Variants in SF3B3 observed in about 807,000 individuals in gnomAD.
The protein encoded by SF3B3 is splicing factor 3b subunit 3, also known as SAP 130.
A neutral mutation model predicts 139.2 loss-of-function variants in SF3B3; 33 were observed. The ratio of observed to expected loss-of-function variants is 0.24; its 90% CI spans 0.18 to 0.32. The LOEUF (loss-of-function observed/expected upper bound fraction) is 0.32, where lower values mean the gene tolerates loss of function less well. SF3B3 is among the 10% of genes least tolerant of loss of function. The pLI, the probability that SF3B3 is intolerant of heterozygous loss-of-function variation, is 1.00. For synonymous variants in SF3B3, 596 were observed against 563.6 expected (o/e 1.06, Z -0.81); for missense variants, 818 against 1,509.4 (o/e 0.54, Z 7.59).
chr16:70,560,634 T>G, intron 16 of SF3B3, 43 bp downstream of exon 16: 1 of 1,604,034 alleles, frequency 6.2e-7, no homozygotes, highest in Non-Finnish European at 8.5e-7. Flanking sequence ...TTTGGGATTT[T>G]AGTGGCACCA....
At chr16:70,561,918 A>C (rs888857636) in intron 17 of SF3B3, 134 bp downstream of exon 17, 2 of 710,084 alleles carry the variant, frequency 2.8e-6, no homozygotes, top group African/African-American at 3.5e-5. Context: ...TGTGTGTTGC[A>C]ATTGAAACCT....
rs182259050 is a variant in SF3B3 at position 70,523,840 on chromosome 16, G to A, written c.-159G>A. On this transcript the variant is annotated 5_prime_UTR_variant, in exon 1 of 26. Transcript: ENST00000302516. ...TGTCCCTGTCTTGAGGTCTAATGGCGGACGCCAGTATGTTGGAGTTGGTGG... is the reference window on the plus strand; with the variant it reads ...TGTCCCTGTCTTGAGGTCTAATGGCAGACGCCAGTATGTTGGAGTTGGTGG... The A allele has an allele frequency of 1.9e-6, 1 of 540,270 alleles. No individual in the cohort carries two copies. The highest frequency in any genetic ancestry group is 3.2e-6 in the Non-Finnish European group (1 of 307,770). 33.5% of individuals were successfully genotyped at this position (540,270 alleles called of 1,614,324 possible).
chr16:70,553,893 G>C (rs192232170), intron 11 of SF3B3, among the ~76,000 whole-genome samples: 1 of 152,138 alleles, frequency 6.6e-6, no homozygotes, highest in Non-Finnish European at 1.5e-5. Flanking sequence ...CCATTTCCTG[G>C]TTATCTAGTT....
intron 8 of SF3B3, among the ~76,000 whole-genome samples, chr16:70,540,015 A>G (rs1366346698): frequency 6.7e-6 from 1 of 149,320 alleles, no homozygotes; most frequent in African/African-American, 2.5e-5. Flanking sequence ...ACCTCAGGTG[A>G]TCGCCTGCCT....
intron 10 of SF3B3, among the ~76,000 whole-genome samples, chr16:70,545,550 C>T (rs554055219): frequency 6.6e-6 from 1 of 152,152 alleles, no homozygotes; most frequent in Non-Finnish European, 1.5e-5. Flanking sequence ...GGGCCCTGAA[C>T]TTGAACTTGT....
intron 10 of SF3B3, among the ~76,000 whole-genome samples, chr16:70,548,057 T>G (rs1483022855): frequency 6.6e-6 from 1 of 152,194 alleles, no homozygotes; most frequent in Non-Finnish European, 1.5e-5. Flanking sequence ...ATGGCCTGAT[T>G]GATTCCCAGT....
At chr16:70,565,737 G>C in intron 20 of SF3B3, 1 of 534,826 alleles carries the variant, frequency 1.9e-6, no homozygotes, top group Non-Finnish European at 3.3e-6. Flanking sequence ...TCCATAATGG[G>C]GAGATAGATG....
rs1191291941 is a variant in SF3B3, at chr16:70,560,464, A to T, written c.2011-5A>T. On this transcript the variant is annotated splice_region_variant and splice_polypyrimidine_tract_variant and intron_variant, in intron 15 of 25. Coordinates refer to ENST00000302516, the MANE Select transcript of SF3B3 (RefSeq NM_012426.5). ...GGCTTCACCTGCTCCTCTCCTTTTG[A>T]TTAGAACGGTGTGCTGCTGAGGACT... The T allele has an allele frequency of 6.2e-7, 1 of 1,613,112 alleles. No homozygotes were observed. The highest frequency in any genetic ancestry group is 1.1e-5 in the South Asian group (1 of 91,020).
At position 70,571,529 on chromosome 16, in the gene SF3B3, C is replaced by T. The variant is rs536549897; in HGVS notation, c.3514-144C>T. On this transcript the variant is annotated intron_variant, in intron 25 of 25. Transcript: ENST00000302516. Reference sequence around the variant, plus strand: ...GCAGTGAGCTAAGATTATCCCACTGCACTGCAACCCGGATGATAGGGTGAG... The same window carrying T: ...GCAGTGAGCTAAGATTATCCCACTGTACTGCAACCCGGATGATAGGGTGAG... The T allele has an allele frequency of 3.9e-5, 33 of 845,340 alleles. No homozygotes were observed. In the African/African-American group the frequency reaches 4.8e-4, roughly 12 times the overall value. 52.4% of individuals were successfully genotyped at this position (845,340 alleles called of 1,614,324 possible). A position where few individuals can be genotyped will look rare whatever the true frequency, so the allele number is the denominator to read the frequency against.
At chr16:70,571,549 G>A (rs1423180428) in intron 25 of SF3B3, 124 bp from the exon 26 acceptor site, 5 of 1,006,602 alleles carry the variant, frequency 5.0e-6, no homozygotes, top group Non-Finnish European at 5.7e-6. Context: ...CGGATGATAG[G>A]GTGAGACCCT....
At chr16:70,554,642 C>G (rs1597718523) in intron 12 of SF3B3, 45 bp downstream of exon 12, 1 of 1,604,228 alleles carries the variant, frequency 6.2e-7, no homozygotes, top group African/African-American at 1.3e-5. Context: ...TTTGTTCTTT[C>G]TTGGCCTTCA....
chr16:70,550,055 T>C (rs1402516216), intron 11 of SF3B3: 1 of 149,862 alleles, frequency 6.7e-6, no homozygotes, highest in Non-Finnish European at 1.5e-5. Context: ...ATATCCTGGC[T>C]TCTGAATCTC....
At chr16:70,556,753 T>C in intron 14 of SF3B3, 133 bp from the exon 15 acceptor site, 1 of 905,848 alleles carries the variant, frequency 1.1e-6, no homozygotes, top group East Asian at 2.6e-5. Context: ...AGTACTCTCT[T>C]AGAACTCACT....
intron 5 of SF3B3, among the ~76,000 whole-genome samples, chr16:70,533,403 C>T (rs2050139347): frequency 6.6e-6 from 1 of 152,062 alleles, no homozygotes; most frequent in African/African-American, 2.4e-5. Context: ...CTGTGCCGCT[C>T]TCTGAGTCTA....
intron 15 of SF3B3, among the ~76,000 whole-genome samples, chr16:70,559,999 AC>A (rs1459586335): frequency 6.6e-6 from 1 of 151,894 alleles, no homozygotes; most frequent in Non-Finnish European, 1.5e-5. Flanking sequence ...TTTTAACATG[AC>A]CCCACTATTT....
chr16:70,540,715 T>C (rs2050211562), intron 8 of SF3B3, among the ~76,000 whole-genome samples: 2 of 152,050 alleles, frequency 1.3e-5, no homozygotes, highest in Non-Finnish European at 1.5e-5. Context: ...TGGCATAATA[T>C]TTAGAAAATT....
intron 4 of SF3B3, among the ~76,000 whole-genome samples, chr16:70,531,216 C>G (rs1044472149): frequency 6.6e-6 from 1 of 151,818 alleles, no homozygotes; most frequent in African/African-American, 2.4e-5. Context: ...TGCAGTGAGC[C>G]GAGATCTCGC....
intron 4 of SF3B3, 38 bp from the exon 5 acceptor site, chr16:70,532,441 A>T: frequency 6.3e-7 from 1 of 1,599,904 alleles, no homozygotes; most frequent in Non-Finnish European, 8.5e-7. Context: ...CTTCGATTTT[A>T]TGCTGATGAT....
intron 2 of SF3B3, among the ~76,000 whole-genome samples, chr16:70,527,787 T>A (rs957607693): frequency 6.6e-6 from 1 of 152,208 alleles, no homozygotes. Context: ...GTTTTTGTTT[T>A]TTCCTTGAAA....
Sources: gnomAD v4.1 joint callset for allele counts (sites outside exome capture counted in the v4.1 genomes callset) on GRCh38, gnomAD v4.1.1 for gene constraint, MANE v1.5 for transcripts, NCBI Gene and HGNC (gene_info 2026-07-23, HGNC 2026-07-21) for gene names.